GATAD2A: variants seen among roughly 807,000 people sequenced by gnomAD.
GATAD2A encodes the protein transcriptional repressor p66-alpha.
A neutral mutation model predicts 68.5 loss-of-function variants in GATAD2A; 12 were observed. The ratio of observed to expected loss-of-function variants is 0.18; its 90% confidence interval spans 0.11 to 0.28. The LOEUF (loss-of-function observed/expected upper bound fraction) is 0.28, where lower values mean the gene tolerates loss of function less well. GATAD2A is among the 10% of genes least tolerant of loss of function. The probability of loss-of-function intolerance (pLI) is 1.00; values close to 1 mark genes in which losing one functional copy is unlikely to be tolerated. For synonymous variants in GATAD2A, 410 were observed against 375.3 expected, an observed-to-expected ratio of 1.09 and a Z score of -1.07; for missense variants, 755 against 868.5, an observed-to-expected ratio of 0.87 and a Z score of 1.64.
At chr19:19,390,644 T>C (rs2048779407) in intron 1 of GATAD2A, among the ~76,000 whole-genome samples, 1 of 152,180 alleles carries the variant, frequency 6.6e-6, no homozygotes, top group African/African-American at 2.4e-5. Flanking sequence ...GATGTATTAC[T>C]CTAATTAGAC....
chr19:19,409,027 T>G (rs947712714), intron 1 of GATAD2A, among the ~76,000 whole-genome samples: 2 of 151,622 alleles, frequency 1.3e-5, no homozygotes, highest in Non-Finnish European at 2.9e-5. Context: ...TTTTTTTTTT[T>G]TTTTTTGGTG....
intron 1 of GATAD2A, among the ~76,000 whole-genome samples, chr19:19,409,014 C>CTTTTTT (rs5827448): frequency 1.7e-5 from 2 of 116,510 alleles, no homozygotes; most frequent in African/African-American, 3.2e-5. Flanking sequence ...GAAATGTTGG[C>CTTTTTT]TTTTTTTTTT....
At chr19:19,418,345 T>TAGG (rs2051907498) in intron 1 of GATAD2A, among the ~76,000 whole-genome samples, 2 of 152,140 alleles carry the variant, frequency 1.3e-5, no homozygotes, top group African/African-American at 4.8e-5. Context: ...CTGTAGTGCT[T>TAGG]TGTGTTAGGT....
At chr19:19,411,355 G>A (rs2050898894) in intron 1 of GATAD2A, among the ~76,000 whole-genome samples, 2 of 152,226 alleles carry the variant, frequency 1.3e-5, no homozygotes, top group Non-Finnish European at 2.9e-5. Flanking sequence ...CCCAGGGCTT[G>A]TGGAAGCCAG....
intron 8 of GATAD2A, 46 bp from the exon 9 acceptor site, chr19:19,501,072 T>A (rs2060492618): frequency 6.5e-7 from 1 of 1,549,686 alleles, no homozygotes; most frequent in African/African-American, 1.4e-5. Context: ...GGGCCCTGAC[T>A]GTCGTCCTGG....
At chr19:19,442,283 G>A (rs2055188094) in intron 1 of GATAD2A, among the ~76,000 whole-genome samples, 1 of 152,216 alleles carries the variant, frequency 6.6e-6, no homozygotes, top group Non-Finnish European at 1.5e-5. Context: ...CACAGATGGG[G>A]CAAGCGAGAG....
At chr19:19,494,599 T>C (rs557185262) in intron 5 of GATAD2A, among the ~76,000 whole-genome samples, 1 of 152,352 alleles carries the variant, frequency 6.6e-6, no homozygotes, top group South Asian at 2.1e-4. Context: ...CCACTGTTAA[T>C]GTCACAGACA....
chr19:19,482,115 T>A (rs1865379434), intron 2 of GATAD2A, among the ~76,000 whole-genome samples: 1 of 149,890 alleles, frequency 6.7e-6, no homozygotes. Flanking sequence ...TCAAAAAAAA[T>A]AAAATATGAC....
intron 1 of GATAD2A, among the ~76,000 whole-genome samples, chr19:19,410,948 A>C (rs149335001): frequency 3.3e-5 from 5 of 152,340 alleles, no homozygotes; most frequent in African/African-American, 7.2e-5. Context: ...TGTGTGTTCC[A>C]CATGTTGCAG....
rs369923894 is a variant in GATAD2A, at chr19:19,395,533, T to C, written c.-7+9395T>C. Among the ~76,000 whole-genome samples the C allele has an allele frequency of 3.3e-5, 5 of 152,188 alleles. 1 individual carries two copies. The highest frequency in any genetic ancestry group is 1.2e-4 in the African/African-American group (5 of 41,514). Reference sequence around the variant, plus strand: ...CTTTGTCAGAGCTGGAAGCCACCAGTGGACCTGTACTTGCCAGTTTTGGGG... The same window carrying C: ...CTTTGTCAGAGCTGGAAGCCACCAGCGGACCTGTACTTGCCAGTTTTGGGG... On this transcript the variant is annotated intron_variant, in intron 1 of 11. Transcript: ENST00000360315.
At chr19:19,504,063 C>T (rs2060719487) in intron 11 of GATAD2A, among the ~76,000 whole-genome samples, 2 of 152,062 alleles carry the variant, frequency 1.3e-5, no homozygotes, top group South Asian at 4.1e-4. Context: ...ATTAGCCAAG[C>T]ACATGGCATG....
At chr19:19,428,401 TAAAAG>T (rs1414262820) in intron 1 of GATAD2A, among the ~76,000 whole-genome samples, 1 of 152,202 alleles carries the variant, frequency 6.6e-6, no homozygotes. Flanking sequence ...ATCATAATAA[TAAAAG>T]AAAGAAGTAG....
At chr19:19,419,191 C>G (rs775732105) in intron 1 of GATAD2A, among the ~76,000 whole-genome samples, 3 of 152,262 alleles carry the variant, frequency 2.0e-5, no homozygotes, top group Non-Finnish European at 4.4e-5. Flanking sequence ...TCGAGGGACC[C>G]TGGCTTGCTC....
intron 1 of GATAD2A, chr19:19,457,331 G>A (rs2057024969): frequency 1.5e-6 from 1 of 656,054 alleles, no homozygotes; most frequent in South Asian, 6.8e-5. Flanking sequence ...GGCAAGTCTA[G>A]ATTCAGTCTT....
chr19:19,504,453 G>A (rs1007779756), intron 11 of GATAD2A, among the ~76,000 whole-genome samples: 6 of 152,058 alleles, frequency 3.9e-5, no homozygotes, highest in African/African-American at 1.2e-4. Context: ...TGTGTCTTGC[G>A]TTGGCTACTT....
intron 2 of GATAD2A, among the ~76,000 whole-genome samples, chr19:19,471,047 A>G (rs1432183912): frequency 1.3e-5 from 2 of 152,086 alleles, no homozygotes; most frequent in East Asian, 1.9e-4. Context: ...CCTGAGGTCA[A>G]GAGTTTGAGA....
At chr19:19,397,380 G>A (rs2049340784) in intron 1 of GATAD2A, among the ~76,000 whole-genome samples, 1 of 151,718 alleles carries the variant, frequency 6.6e-6, no homozygotes, top group East Asian at 1.9e-4. Flanking sequence ...TGAGTAATGT[G>A]TAATGAGGCT....
chr19:19,470,918 C>T (rs542826642), intron 2 of GATAD2A, among the ~76,000 whole-genome samples: 2 of 152,304 alleles, frequency 1.3e-5, no homozygotes, highest in East Asian at 1.9e-4. Context: ...AATGTGTCCA[C>T]ACAGACAGGT....
intron 2 of GATAD2A, among the ~76,000 whole-genome samples, chr19:19,482,631 G>A (rs1241423767): frequency 6.6e-6 from 1 of 152,192 alleles, no homozygotes; most frequent in Non-Finnish European, 1.5e-5. Context: ...CTGGGAACTG[G>A]GGGTAATGAT....
Sources: gnomAD v4.1 joint callset for allele counts (sites outside exome capture counted in the v4.1 genomes callset) on GRCh38, gnomAD v4.1.1 for gene constraint, MANE v1.5 for transcripts, NCBI Gene and HGNC (gene_info 2026-07-23, HGNC 2026-07-21) for gene names.